AP3S2: variants seen among roughly 807,000 people sequenced by gnomAD.
AP3S2 encodes adaptor related protein complex 3 subunit sigma 2.
AP3S2 carries 22 observed loss-of-function variants against 23.4 expected under a neutral mutation model. That is an observed-to-expected ratio of 0.94 (90% CI 0.67 to 1.34). The LOEUF (loss-of-function observed/expected upper bound fraction) is 1.34, where lower values mean the gene tolerates loss of function less well. AP3S2 is among the 40% of genes most tolerant of loss of function. The pLI is 0.00. For missense variants in AP3S2, 241 were observed against 236.9 expected, an observed-to-expected ratio of 1.02 and a Z score of -0.11; for synonymous variants, 86 against 87.1, an observed-to-expected ratio of 0.99 and a Z score of 0.07.
At chr15:89,865,820 A>G (rs1896104023) in intron 4 of AP3S2, 1 of 152,232 alleles carries the variant, frequency 6.6e-6, no homozygotes, top group South Asian at 2.1e-4. Flanking sequence ...TCCATCAGTC[A>G]TAGAATGGAT....
intron 4 of AP3S2, among the ~76,000 whole-genome samples, chr15:89,857,664 A>G (rs1895873567): frequency 6.6e-6 from 1 of 152,208 alleles, no homozygotes; most frequent in Non-Finnish European, 1.5e-5. Context: ...TTCTTATTAG[A>G]GCACTCCTCT....
At chr15:89,890,013 G>C (rs1366957082) in intron 1 of AP3S2, among the ~76,000 whole-genome samples, 3 of 151,900 alleles carry the variant, frequency 2.0e-5, no homozygotes, top group Non-Finnish European at 4.4e-5. Context: ...AAGTATTATT[G>C]AGAAAAATAG....
At chr15:89,885,589 T>C (rs1896679026) in intron 3 of AP3S2, among the ~76,000 whole-genome samples, 1 of 152,178 alleles carries the variant, frequency 6.6e-6, no homozygotes, top group Non-Finnish European at 1.5e-5. Flanking sequence ...ATGTTTTCTA[T>C]TTCTGACTTC....
At chr15:89,868,369 C>T (rs1342866279) in intron 4 of AP3S2, among the ~76,000 whole-genome samples, 1 of 76,628 alleles carries the variant, frequency 1.3e-5, no homozygotes, top group Admixed American at 1.2e-4. Flanking sequence ...CCCGGCCAGC[C>T]GCCCTGTCCG....
intron 4 of AP3S2, among the ~76,000 whole-genome samples, chr15:89,868,804 C>G (rs1414739890): frequency 1.7e-4 from 19 of 108,744 alleles, no homozygotes; most frequent in South Asian, 6.5e-4. Context: ...CCAGCCGCCC[C>G]GTCCGGGAGG....
intron 4 of AP3S2, among the ~76,000 whole-genome samples, chr15:89,859,614 C>CG (rs1315622728): frequency 6.6e-6 from 1 of 151,662 alleles, no homozygotes; most frequent in East Asian, 1.9e-4. Context: ...AGGCTGGTCT[C>CG]GAACTCCTGA....
intron 3 of AP3S2, among the ~76,000 whole-genome samples, chr15:89,883,418 C>CTTTTTT (rs1896619251): frequency 6.7e-6 from 1 of 149,118 alleles, no homozygotes. Flanking sequence ...TTTTTTGAGA[C>CTTTTTT]AGAATCTCGC....
chr15:89,874,348 C>A (rs1352328599), intron 3 of AP3S2, among the ~76,000 whole-genome samples: 1 of 152,116 alleles, frequency 6.6e-6, no homozygotes, highest in East Asian at 1.9e-4. Flanking sequence ...GCTTCCCTAG[C>A]GAAATCTGTC....
Position 89,868,885 on chromosome 15 carries a change from C to T in AP3S2, c.345+2590G>A, listed in dbSNP as rs868156776. Among the ~76,000 whole-genome samples the T allele has an allele frequency of 4.2e-3, 594 of 141,466 alleles. 1 individual carries two copies. Among genetic ancestry groups the T allele is most frequent in the African/African-American group, 0.015 (556 of 36,260 alleles). The allele number at this position is 141,466 out of a possible 152,430, so 92.8% of individuals were successfully genotyped here. A position where few individuals can be genotyped will look rare whatever the true frequency, so the allele number is the denominator to read the frequency against. On this transcript the variant is annotated intron_variant, in intron 4 of 5. Coordinates refer to ENST00000336418, the MANE Select transcript of AP3S2 (RefSeq NM_005829.5). ...GAGGTGAGGGGCGCCTCTGCCCGGC[C>T]GCCCCTACTGGGAAGTGAGGAGCCC...
intron 3 of AP3S2, among the ~76,000 whole-genome samples, chr15:89,875,619 A>G (rs551112574): frequency 8.0e-4 from 122 of 152,320 alleles, no homozygotes; most frequent in Admixed American, 7.2e-3. Flanking sequence ...AATGACAAAG[A>G]ACATTATTCT....
intron 3 of AP3S2, chr15:89,878,371 CA>C (rs1896492211): frequency 1.7e-5 from 10 of 584,444 alleles, no homozygotes; most frequent in Non-Finnish European, 2.4e-5. Flanking sequence ...AAAGAATATG[CA>C]TACAATTAGG....
intron 5 of AP3S2, among the ~76,000 whole-genome samples, chr15:89,837,045 G>A (rs1895210567): frequency 6.6e-6 from 1 of 152,232 alleles, no homozygotes; most frequent in Admixed American, 6.5e-5. Context: ...AGAGGGATAG[G>A]ACAGAATTTA....
intron 3 of AP3S2, among the ~76,000 whole-genome samples, chr15:89,872,053 A>T (rs1030420270): frequency 2.6e-5 from 4 of 151,426 alleles, no homozygotes; most frequent in Admixed American, 2.6e-4. Context: ...TTTGAGGTGG[A>T]GGTTGCCATA....
chr15:89,886,063 G>T (rs1037066544), intron 3 of AP3S2, among the ~76,000 whole-genome samples: 1 of 150,918 alleles, frequency 6.6e-6, no homozygotes, highest in Non-Finnish European at 1.5e-5. Context: ...AAATTATAAA[G>T]TTAGAGGCCG....
At position 89,885,143 on chromosome 15, in the gene AP3S2, A is replaced by T. The variant is rs374580148; in HGVS notation, c.273+3378T>A. On this transcript the variant is annotated intron_variant, in intron 3 of 5. Coordinates refer to ENST00000336418, the MANE Select transcript of AP3S2 (RefSeq NM_005829.5). ...TTCTTTTTTTAACATCTATTATTTC[A>T]TCCTAATATTATTTCAGTGCCTTTA... Among the ~76,000 whole-genome samples, 13 of 150,940 alleles carry T rather than the reference A, an allele frequency of 8.6e-5. 1 individual carries two copies. The highest frequency in any genetic ancestry group is 3.2e-4 in the African/African-American group (13 of 41,188).
chr15:89,893,810 CG>C (rs906893244), intron 1 of AP3S2, 70 bp downstream of exon 1: 3 of 1,499,876 alleles, frequency 2.0e-6, no homozygotes, highest in Non-Finnish European at 2.7e-6. Flanking sequence ...CCCCGGGCGC[CG>C]AGAGGCCAAA....
At chr15:89,848,581 C>CGATCTCCTGACCTTGT (rs1895556052) in intron 4 of AP3S2, 1 of 152,300 alleles carries the variant, frequency 6.6e-6, no homozygotes, top group Admixed American at 6.5e-5. Context: ...AGGATGGTCT[C>CGATCTCCTGACCTTGT]GATCTCCTGA....
rs924362453 is a variant in AP3S2 at position 89,833,428 on chromosome 15, T to C, written c.*2087A>G. 6.6e-6 allele frequency: 1 copy of C among 152,224 alleles called. No individual in the cohort carries two copies. Among genetic ancestry groups the C allele is most frequent in the African/African-American group, 2.4e-5 (1 of 41,460 alleles). The allele number at this position is 152,224 out of a possible 1,614,324, so 9.4% of individuals were successfully genotyped here. On this transcript the variant is annotated 3_prime_UTR_variant, in exon 6 of 6. Coordinates refer to ENST00000336418, the MANE Select transcript of AP3S2 (RefSeq NM_005829.5). Reference sequence around the variant, plus strand: ...GTGGAGTCAAGTGAACAGTCTCAGATCTCAGCCCCGTGTAATCTAAGGGAA... The same window carrying C: ...GTGGAGTCAAGTGAACAGTCTCAGACCTCAGCCCCGTGTAATCTAAGGGAA...
chr15:89,853,721 C>T (rs55731937), intron 4 of AP3S2, among the ~76,000 whole-genome samples: 4 of 129,660 alleles, frequency 3.1e-5, no homozygotes, highest in African/African-American at 9.0e-5. Flanking sequence ...TCTGCCCGGC[C>T]GCCCATCGTC....
Sources: gnomAD v4.1 joint callset for allele counts (sites outside exome capture counted in the v4.1 genomes callset) on GRCh38, gnomAD v4.1.1 for gene constraint, MANE v1.5 for transcripts, NCBI Gene and HGNC (gene_info 2026-07-23, HGNC 2026-07-21) for gene names.